Variants in MAD1L1 observed in about 807,000 individuals in gnomAD.
The protein encoded by MAD1L1 is mitotic arrest deficient 1 like 1, also known as mitotic spindle assembly checkpoint protein MAD1.
MAD1L1 carries 95 observed loss-of-function variants against 96.9 expected under a neutral mutation model. The observed-to-expected ratio is 0.98, with a 90% CI of 0.83 to 1.16. MAD1L1 has a LOEUF of 1.16. Among genes scored for constraint, MAD1L1 ranks in the 50% most tolerant of loss-of-function variants. The probability of loss-of-function intolerance (pLI) is 0.00; values close to 1 mark genes in which losing one functional copy is unlikely to be tolerated. For missense variants in MAD1L1, 1,007 were observed against 954.4 expected (o/e 1.06, Z -0.73); for synonymous variants, 473 against 396.6 (o/e 1.19, Z -2.29).
intron 10 of MAD1L1, among the ~76,000 whole-genome samples, chr7:2,197,771 C>T (rs890606290): frequency 6.6e-6 from 1 of 152,258 alleles, no homozygotes; most frequent in African/African-American, 2.4e-5. Context: ...AGGAGCCATG[C>T]AGGCCTGACA....
At chr7:1,865,974 A>G (rs1784759852) in intron 18 of MAD1L1, among the ~76,000 whole-genome samples, 2 of 152,352 alleles carry the variant, frequency 1.3e-5, no homozygotes, top group African/African-American at 4.8e-5. Flanking sequence ...CCAGGCAGAC[A>G]GCCGTGATGC....
chr7:1,848,213 C>T, intron 18 of MAD1L1: 1 of 182,590 alleles, frequency 5.5e-6, no homozygotes, highest in Non-Finnish European at 1.2e-5. Flanking sequence ...CTCACAGATG[C>T]CAACAAGCAA....
chr7:1,955,083 C>G (rs1779667837), intron 16 of MAD1L1, among the ~76,000 whole-genome samples: 4 of 152,222 alleles, frequency 2.6e-5, no homozygotes, highest in African/African-American at 9.6e-5. Context: ...GCGCCCAGCT[C>G]TAAGGGGTAA....
chr7:2,205,315 G>A lies in MAD1L1; in HGVS notation c.986+7897C>T, dbSNP rs114717123. ...TGCTCTTCTACAGTGCCTGCTACCC[G>A]GAGTCACGTAACCAGACGTTGTCAG... is the stretch of plus-strand genomic sequence containing the variant. On this transcript the variant is annotated intron_variant, in intron 10 of 18. Transcript: ENST00000265854. 3.1e-3 allele frequency among the ~76,000 whole-genome samples: 467 copies of A among 152,124 alleles called. 2 individuals carry two copies. Among genetic ancestry groups the A allele is most frequent in the South Asian group, 0.026 (124 of 4,824 alleles).
At chr7:2,164,864 G>A (rs900527190) in intron 10 of MAD1L1, among the ~76,000 whole-genome samples, 8 of 152,146 alleles carry the variant, frequency 5.3e-5, no homozygotes, top group African/African-American at 1.9e-4. Context: ...ACAAGAGTGG[G>A]CAGGTGACAT....
intron 11 of MAD1L1, among the ~76,000 whole-genome samples, chr7:2,078,427 A>G (rs992285437): frequency 1.3e-5 from 2 of 152,210 alleles, no homozygotes; most frequent in Non-Finnish European, 2.9e-5. Context: ...GAGAGCATCA[A>G]GAGGTCCCAG....
At chr7:1,888,754 C>A (rs1404441926) in intron 18 of MAD1L1, among the ~76,000 whole-genome samples, 3 of 148,688 alleles carry the variant, frequency 2.0e-5, no homozygotes, top group East Asian at 4.0e-4. Flanking sequence ...CATGTGTGAG[C>A]ATGCATGTGT....
Position 2,144,059 on chromosome 7 carries a change from C to T in MAD1L1, c.1073+5093G>A, listed in dbSNP as rs543587157. ...CAAAGCCGAGACGGCAGCCACACAA[C>T]GTGTCCCACAGGGACCCAGGAGCCA... On this transcript the variant is annotated intron_variant, in intron 11 of 18. Transcript: ENST00000265854. Among the ~76,000 whole-genome samples the T allele has an allele frequency of 7.2e-5, 11 of 152,354 alleles. No homozygotes were observed. In the South Asian group the frequency reaches 8.3e-4, roughly 11 times the overall value.
intron 18 of MAD1L1, among the ~76,000 whole-genome samples, chr7:1,872,486 T>C (rs117607077): frequency 2.2e-4 from 33 of 152,334 alleles, no homozygotes; most frequent in Non-Finnish European, 4.3e-4. Context: ...CCTGTTCATG[T>C]CTAGCCCATG....
intron 15 of MAD1L1, among the ~76,000 whole-genome samples, chr7:1,978,360 G>A (rs1180994058): frequency 6.6e-6 from 1 of 152,220 alleles, no homozygotes; most frequent in Non-Finnish European, 1.5e-5. Flanking sequence ...GGTGTGTGTG[G>A]GAGGCATATT....
rs1793845117 is a variant in MAD1L1, at chr7:2,225,519, T to C, written c.182A>G (p.Lys61Arg). ...CCGCTCCACCTGGATGAGGTGGGACTTCGAACGGATCTGCTCTGCTCTTTC... is the reference window on the plus strand; with the variant it reads ...CCGCTCCACCTGGATGAGGTGGGACCTCGAACGGATCTGCTCTGCTCTTTC... ...LEERAEQIRS[K>R]SHLIQVEREK... Residue 61 changes from lysine to arginine, a missense_variant, in exon 4 of 19, where the codon AAG becomes AGG. Coordinates refer to ENST00000265854, the MANE Select transcript of MAD1L1 (RefSeq NM_001013836.2). The C allele has an allele frequency of 6.2e-7, 1 of 1,614,016 alleles. No individual in the cohort carries two copies. Among genetic ancestry groups the C allele is most frequent in the Non-Finnish European group, 8.5e-7 (1 of 1,180,036 alleles).
intron 16 of MAD1L1, among the ~76,000 whole-genome samples, chr7:1,942,786 T>G (rs112576143): frequency 0.016 from 2,366 of 152,232 alleles, 29 homozygotes; most frequent in Non-Finnish European, 0.027. Context: ...AAGCTGATTC[T>G]GAAACTCACA....
chr7:2,211,818 A>G (rs1792961974), intron 10 of MAD1L1, among the ~76,000 whole-genome samples: 1 of 152,250 alleles, frequency 6.6e-6, no homozygotes, highest in African/African-American at 2.4e-5. Context: ...GGATTCCAGA[A>G]CCAGCAGTCG....
chr7:2,117,233 A>T lies in MAD1L1; in HGVS notation c.1073+31919T>A, dbSNP rs182434903. 1.5e-3 allele frequency among the ~76,000 whole-genome samples: 225 copies of T among 152,352 alleles called. 2 individuals carry two copies. Among genetic ancestry groups the T allele is most frequent in the African/African-American group, 4.8e-3 (198 of 41,588 alleles). ...CCGTCAGGGAGGAGCAAGGCTCTGCAGGGAAGCTGCACCCCATTCCCAAGG... is the reference window on the plus strand; with the variant it reads ...CCGTCAGGGAGGAGCAAGGCTCTGCTGGGAAGCTGCACCCCATTCCCAAGG... On this transcript the variant is annotated intron_variant, in intron 11 of 18. Coordinates refer to ENST00000265854, the MANE Select transcript of MAD1L1 (RefSeq NM_001013836.2).
intron 18 of MAD1L1, among the ~76,000 whole-genome samples, chr7:1,852,483 C>A (rs1050156689): frequency 6.6e-6 from 1 of 152,196 alleles, no homozygotes; most frequent in Admixed American, 6.5e-5. Context: ...TGGGGCAATG[C>A]CCCGCTCCCT....
chr7:2,215,043 G>T (rs1793187787), intron 9 of MAD1L1, among the ~76,000 whole-genome samples: 1 of 151,998 alleles, frequency 6.6e-6, no homozygotes, highest in Non-Finnish European at 1.5e-5. Flanking sequence ...ACCAGCCTAG[G>T]CAACACAGGG....
intron 14 of MAD1L1, among the ~76,000 whole-genome samples, chr7:1,998,892 A>C (rs1440477334): frequency 1.1e-5 from 1 of 91,498 alleles, no homozygotes; most frequent in African/African-American, 4.5e-5. Flanking sequence ...CCCTAACCCC[A>C]CTCACTGCTG....
chr7:1,975,365 G>C (rs1780589357), intron 15 of MAD1L1, among the ~76,000 whole-genome samples: 1 of 152,132 alleles, frequency 6.6e-6, no homozygotes, highest in African/African-American at 2.4e-5. Context: ...TTGTACTCCA[G>C]ACCCGGCCCA....
At chr7:2,060,234 C>T (rs1031104724) in intron 12 of MAD1L1, among the ~76,000 whole-genome samples, 4 of 149,020 alleles carry the variant, frequency 2.7e-5, no homozygotes, top group Non-Finnish European at 4.4e-5. Context: ...TGCCGAGATA[C>T]GCCGATGCCG....
Sources: allele counts gnomAD v4.1 joint callset (sites outside exome capture counted in the v4.1 genomes callset), GRCh38; gene constraint gnomAD v4.1.1; transcripts MANE v1.5; gene names NCBI Gene and HGNC (gene_info 2026-07-23, HGNC 2026-07-21).